The following CSF2RA variants were observed in gnomAD, a reference collection of about 807,000 sequenced individuals.
CSF2RA encodes colony stimulating factor 2 receptor subunit alpha.
Under a neutral mutation model 51.6 loss-of-function variants are expected in CSF2RA, and 42 were observed. The ratio of observed to expected loss-of-function variants is 0.81; its 90% confidence interval spans 0.64 to 1.05. CSF2RA has a LOEUF of 1.05. Among genes scored for constraint, CSF2RA ranks in the 50% least tolerant of loss-of-function variants. The probability of loss-of-function intolerance (pLI) is 0.00; values close to 1 mark genes in which losing one functional copy is unlikely to be tolerated. For synonymous variants in CSF2RA, 222 were observed against 193.0 expected, an observed-to-expected ratio of 1.15 and a Z score of -1.24; for missense variants, 530 against 501.1, an observed-to-expected ratio of 1.06 and a Z score of -0.55.
In CSF2RA at chrX:1,288,862, G is replaced by T; in HGVS notation, c.447G>T (p.Gln149His). The change falls in exon 6 of 13, where the codon CAG becomes CAT. Residue 149 changes from glutamine (Q) to histidine (H), a missense_variant. Physicochemically the swap from Gln to His is conservative, Grantham distance 24. Coordinates refer to ENST00000381529, the MANE Select transcript of CSF2RA (RefSeq NM_172245.4). ...ARGPTAPRDV[Q>H]YFLYIRNSKR... is the part of the protein sequence containing the mutation. ...GTCCGACGGCCCCCCGTGACGTCCA[G>T]TATTTTTTGTACATACGAAACTCAA... The T allele has an allele frequency of 6.2e-7, 1 of 1,613,302 alleles. No individual in the cohort carries two copies. The highest frequency in any genetic ancestry group is 8.5e-7 in the Non-Finnish European group (1 of 1,179,730).
At chrX:1,321,668 G>A in the CSF2RA span, among the ~76,000 whole-genome samples, 580 of 152,086 alleles carry the variant, frequency 3.8e-3, 2 homozygotes, top group African/African-American at 0.013. Context: ...CTTAAAATGC[G>A]AGCAACGTGG....
chrX:1,272,661 T>C (rs2088593657), intron 1 of CSF2RA, among the ~76,000 whole-genome samples: 1 of 150,120 alleles, frequency 6.7e-6, no homozygotes. Context: ...CTAATTTTCT[T>C]TGTATTTTTA....
chrX:1,316,271 TA>T, the CSF2RA span, among the ~76,000 whole-genome samples: 4 of 62,688 alleles, frequency 6.4e-5, no homozygotes, highest in African/African-American at 1.8e-4. Flanking sequence ...GATAGATAGA[TA>T]GATAGATAGA....
At chrX:1,310,004 G>A, downstream of CSF2RA, 1 of 449,434 alleles carries the variant, frequency 2.2e-6, no homozygotes, top group South Asian at 4.6e-5. Context: ...AGACCAGTCT[G>A]GGCAACATAG....
chrX:1,275,967 A>G (rs1239226047), intron 2 of CSF2RA, among the ~76,000 whole-genome samples: 1 of 151,680 alleles, frequency 6.6e-6, no homozygotes. Flanking sequence ...TGCTGGGATT[A>G]CAGGCGTAAG....
Position 1,280,452 on chromosome X carries a change from CA to C in CSF2RA, c.-26-2224del, listed in dbSNP as rs1170511071. The stretch of plus-strand genomic sequence containing the variant: ...CACCACTGCACTCCAGCCTGGGTGA[CA>C]AGAGTGAAACTCCGTCTCAAAAAAA... On this transcript the variant is annotated intron_variant, in intron 2 of 12. Transcript: ENST00000381529. Among the ~76,000 whole-genome samples, 34 of 114,160 alleles carry C rather than the reference CA, an allele frequency of 3.0e-4. No individual in the cohort carries two copies. In the East Asian group the frequency reaches 6.2e-3, roughly 21 times the overall value. 74.9% of individuals were successfully genotyped at this position (114,160 alleles called of 152,430 possible).
rs2148504379 is a variant in CSF2RA, at chrX:1,295,458, T to A, written c.810+2T>A. The A allele has an allele frequency of 6.2e-7, 1 of 1,613,422 alleles. No homozygotes were observed. Among genetic ancestry groups the A allele is most frequent in the Non-Finnish European group, 8.5e-7 (1 of 1,179,540 alleles). ...CAGCCTGGCACGGAAAACCTACTGG[T>A]AAGTGAAACCACAGACCCTACTGAC... On this transcript the variant is annotated splice_donor_variant, in intron 9 of 12. Coordinates refer to ENST00000381529, the MANE Select transcript of CSF2RA (RefSeq NM_172245.4). LOFTEE classifies it high-confidence loss of function.
chrX:1,275,346 G>A (rs1228075794), intron 2 of CSF2RA, among the ~76,000 whole-genome samples: 5 of 151,472 alleles, frequency 3.3e-5, no homozygotes, highest in Non-Finnish European at 7.4e-5. Context: ...AGCCAAGATC[G>A]CGCCACTGCA....
intron 2 of CSF2RA, among the ~76,000 whole-genome samples, chrX:1,280,434 G>A (rs1263280168): frequency 2.1e-5 from 3 of 145,144 alleles, no homozygotes; most frequent in African/African-American, 7.6e-5. Context: ...TTGCACCACT[G>A]CACTCCAGCC....
In CSF2RA at chrX:1,293,088, T is replaced by G. The variant is rs775439205; in HGVS notation, c.647-1240T>G. Among the ~76,000 whole-genome samples, 72 of 152,314 alleles carry G rather than the reference T, an allele frequency of 4.7e-4. 1 individual carries two copies. The highest frequency in any genetic ancestry group is 1.6e-3 in the African/African-American group (66 of 41,562). On this transcript the variant is annotated intron_variant, in intron 7 of 12. Transcript: ENST00000381529. ...ACAGCACATGTTTCTGTGAGCACAG[T>G]GTTGGGGCTACAGTTACAGCTTAAC...
chrX:1,281,349 TTCCTCCTTCTCCTCC>T (rs1569495011), intron 2 of CSF2RA, among the ~76,000 whole-genome samples: 3 of 21,372 alleles, frequency 1.4e-4, no homozygotes, highest in Middle Eastern at 0.031. Flanking sequence ...CCTTCTCCTC[TTCCTCCTTCTCCTCC>T]TCCTCCTTCT....
chrX:1,315,284 G>C (rs1337260093), downstream of CSF2RA, among the ~76,000 whole-genome samples: 2 of 152,030 alleles, frequency 1.3e-5, no homozygotes, highest in African/African-American at 4.8e-5. Context: ...ATAGATGATT[G>C]ATAGATGACA....
At chrX:1,298,941 C>G (rs1443811159) in intron 9 of CSF2RA, among the ~76,000 whole-genome samples, 1 of 151,974 alleles carries the variant, frequency 6.6e-6, no homozygotes. Flanking sequence ...GAACCACTCA[C>G]AACCCTAGCG....
At chrX:1,295,861 C>T (rs111471154) in intron 9 of CSF2RA, among the ~76,000 whole-genome samples, 21,297 of 111,686 alleles carry the variant, frequency 0.19, 2,338 homozygotes, top group African/African-American at 0.23. Flanking sequence ...ACTCACCACA[C>T]CTAATGTAAC....
rs2083459431 is a variant in CSF2RA at position 1,305,443 on chromosome X, C to G, written c.1044-3C>G. 6.2e-7 allele frequency: 1 copy of G among 1,613,814 alleles called. No individual in the cohort carries two copies. The highest frequency in any genetic ancestry group is 1.3e-5 in the African/African-American group (1 of 74,910). Reference sequence around the variant, plus strand: ...CTCTTCACACTTTTTCTCTGTGTCTCAGGTTCCTTAGGATACAGCGGCTGT... The same window carrying G: ...CTCTTCACACTTTTTCTCTGTGTCTGAGGTTCCTTAGGATACAGCGGCTGT... On this transcript the variant is annotated splice_region_variant and splice_polypyrimidine_tract_variant and intron_variant, in intron 11 of 12. Coordinates refer to ENST00000381529, the MANE Select transcript of CSF2RA (RefSeq NM_172245.4).
At chrX:1,323,288 C>A in the CSF2RA span, among the ~76,000 whole-genome samples, 1 of 148,600 alleles carries the variant, frequency 6.7e-6, no homozygotes, top group Non-Finnish European at 1.5e-5. Context: ...CCGAGGCGGG[C>A]GGATCACCTG....
At chrX:1,294,271 A>G (rs1336852339) in intron 7 of CSF2RA, 57 bp from the exon 8 acceptor site, 1 of 1,609,494 alleles carries the variant, frequency 6.2e-7, no homozygotes. Flanking sequence ...CTCCACCTGG[A>G]CCCAGTGTAG....
rs763314378 is a variant in CSF2RA at position 1,300,660 on chromosome X, C to CCGT, written c.946+36_946+38dup. 15 of 1,613,672 alleles carry CCGT rather than the reference C, an allele frequency of 9.3e-6. No homozygotes were observed. The African/African-American group carries it at 1.9e-4, about 20-fold the overall frequency. Reference sequence around the variant, plus strand: ...TGGGCGGAGGTAAGGGATGTTTGTGCCGTCTGCGGCCACCCTGCAGCAGGC... The same window carrying CCGT: ...TGGGCGGAGGTAAGGGATGTTTGTGCCGTCGTCTGCGGCCACCCTGCAGCAGGC... On this transcript the variant is annotated intron_variant, in intron 10 of 12. Transcript: ENST00000381529.
At chrX:1,322,582 G>C in the CSF2RA span, among the ~76,000 whole-genome samples, 1 of 150,772 alleles carries the variant, frequency 6.6e-6, no homozygotes, top group Non-Finnish European at 1.5e-5. Context: ...TTAGCTGTGG[G>C]GCCCCACTGA....
Sources: gnomAD v4.1 joint callset for allele counts (sites outside exome capture counted in the v4.1 genomes callset) on GRCh38, gnomAD v4.1.1 for gene constraint, MANE v1.5 for transcripts, NCBI Gene and HGNC (gene_info 2026-07-23, HGNC 2026-07-21) for gene names.